The following CCDC30 variants were observed in gnomAD, a reference collection of about 807,000 sequenced individuals.
CCDC30 encodes the protein coiled-coil domain containing 30.
A neutral mutation model predicts 100.2 loss-of-function variants in CCDC30; 70 were observed. That is an observed-to-expected ratio of 0.70 (90% confidence interval 0.58 to 0.85). The LOEUF is 0.85. CCDC30 is among the 40% of genes least tolerant of loss of function. The pLI is 0.00. For missense variants in CCDC30, 652 were observed against 771.2 expected (o/e 0.85, Z 1.83); for synonymous variants, 233 against 269.5 (o/e 0.86, Z 1.33).
chr1:42,491,144 C>A lies in CCDC30; in HGVS notation c.241+915C>A, dbSNP rs1644134271. ...AGAATTATAAAATGAACACTGCTTT[C>A]TTAGTAATTAATAGTACAAGTAAAC... is the stretch of plus-strand genomic sequence containing the variant. On this transcript the variant is annotated intron_variant, in intron 4 of 16. Transcript: ENST00000668663. Among the ~76,000 whole-genome samples the A allele has an allele frequency of 2.0e-5, 3 of 152,100 alleles. No individual in the cohort carries two copies. In the South Asian group the frequency reaches 6.2e-4, roughly 31 times the overall value.
chr1:42,552,536 T>C (rs1303154724), intron 6 of CCDC30, among the ~76,000 whole-genome samples: 2 of 152,210 alleles, frequency 1.3e-5, no homozygotes, highest in African/African-American at 4.8e-5. Context: ...TTCATATATA[T>C]TAAATTTAAA....
At chr1:42,619,795 C>T (rs1162895783) in intron 11 of CCDC30, among the ~76,000 whole-genome samples, 1 of 152,202 alleles carries the variant, frequency 6.6e-6, no homozygotes, top group Non-Finnish European at 1.5e-5. Context: ...CAAATCCCCG[C>T]CCCCCATCCA....
chr1:42,538,052 G>A, intron 6 of CCDC30: 1 of 149,604 alleles, frequency 6.7e-6, no homozygotes, highest in African/African-American at 2.5e-5. Context: ...GGGCACAATG[G>A]CTCACATCTG....
At chr1:42,457,337 G>C in the CCDC30 span, 1 of 1,613,844 alleles carries the variant, frequency 6.2e-7, no homozygotes, top group South Asian at 1.1e-5. Flanking sequence ...CAGTCATCTG[G>C]GGGCCCACTG....
intron 6 of CCDC30, chr1:42,536,529 AGAG>A (rs1222616069): frequency 2.5e-6 from 2 of 793,710 alleles, no homozygotes; most frequent in Admixed American, 6.2e-5. Context: ...AGTGGTCAAA[AGAG>A]AGAGAGAGAG....
At chr1:42,485,089 A>G (rs1293712944) in intron 3 of CCDC30, among the ~76,000 whole-genome samples, 1 of 152,154 alleles carries the variant, frequency 6.6e-6, no homozygotes. Context: ...TTAGAGCTGT[A>G]TAGTGAAATA....
chr1:42,484,312 C>A lies in CCDC30; in HGVS notation c.169+1496C>A, dbSNP rs551123754. On this transcript the variant is annotated intron_variant, in intron 3 of 16. Coordinates refer to ENST00000668663, the Ensembl canonical transcript of CCDC30. Reference sequence around the variant, plus strand: ...TTAAAAGGGTGAATTTCACTGCATGCAATTTATTCCTCAGTAAACACTATC... The same window carrying A: ...TTAAAAGGGTGAATTTCACTGCATGAAATTTATTCCTCAGTAAACACTATC... Among the ~76,000 whole-genome samples the A allele has an allele frequency of 1.4e-4, 22 of 152,214 alleles. 1 individual carries two copies. The South Asian group carries it at 4.6e-3, about 32-fold the overall frequency.
chr1:42,636,664 C>G (rs1315821389), intron 11 of CCDC30, among the ~76,000 whole-genome samples: 1 of 151,878 alleles, frequency 6.6e-6, no homozygotes, highest in Non-Finnish European at 1.5e-5. Flanking sequence ...TATACCACAA[C>G]CATCAGTACA....
intron 12 of CCDC30, among the ~76,000 whole-genome samples, chr1:42,640,185 C>T (rs1361228494): frequency 6.6e-6 from 1 of 152,170 alleles, no homozygotes; most frequent in Non-Finnish European, 1.5e-5. Context: ...CTTTCTAAGT[C>T]TCCAAAAAGT....
intron 6 of CCDC30, among the ~76,000 whole-genome samples, chr1:42,557,053 C>T (rs1645385289): frequency 6.6e-6 from 1 of 152,152 alleles, no homozygotes; most frequent in Admixed American, 6.6e-5. Context: ...TACAGGTTCT[C>T]TCTTACACAA....
rs370992092 is a variant in CCDC30, at chr1:42,543,050, C to T, written c.457-23246C>T. 9.9e-5 allele frequency among the ~76,000 whole-genome samples: 15 copies of T among 152,132 alleles called. No homozygotes were observed. The East Asian group carries it at 2.3e-3, about 24-fold the overall frequency. ...AGCTCATTAATAAAATTGTCTTTTA[C>T]GTTCCTTTATAATCTGACCTCTCCC... is the stretch of plus-strand genomic sequence containing the variant. On this transcript the variant is annotated intron_variant, in intron 6 of 16. Transcript: ENST00000668663.
chr1:42,483,801 A>C (rs1166834236), intron 3 of CCDC30, among the ~76,000 whole-genome samples: 1 of 152,016 alleles, frequency 6.6e-6, no homozygotes, highest in Non-Finnish European at 1.5e-5. Flanking sequence ...TTTTACCATA[A>C]ATGCTAATAT....
intron 6 of CCDC30, among the ~76,000 whole-genome samples, chr1:42,546,997 TTGTAAATGTTCTA>T (rs1162043624): frequency 2.0e-4 from 30 of 152,206 alleles, no homozygotes; most frequent in Non-Finnish European, 2.9e-4. Context: ...AGTTATATCT[TTGTAAATGTTCTA>T]AAGATAGAAG....
chr1:42,512,084 G>C (rs1644487158), intron 6 of CCDC30, among the ~76,000 whole-genome samples: 1 of 152,206 alleles, frequency 6.6e-6, no homozygotes, highest in African/African-American at 2.4e-5. Flanking sequence ...ATAAAGGGAT[G>C]GGCTCTGGCT....
intron 6 of CCDC30, among the ~76,000 whole-genome samples, chr1:42,545,178 A>AT (rs1645101929): frequency 1.5e-5 from 2 of 133,594 alleles, no homozygotes; most frequent in Non-Finnish European, 3.3e-5. Flanking sequence ...AAAAAAAAAA[A>AT]AAAAAAAAAA....
intron 13 of CCDC30, among the ~76,000 whole-genome samples, chr1:42,643,296 C>T (rs1466549517): frequency 2.0e-5 from 3 of 152,204 alleles, no homozygotes; most frequent in African/African-American, 7.2e-5. Flanking sequence ...AGGGAACTCA[C>T]TCAGCCCAGT....
chr1:42,652,876 G>C (rs559727075), intron 15 of CCDC30, among the ~76,000 whole-genome samples: 1 of 152,248 alleles, frequency 6.6e-6, no homozygotes, highest in African/African-American at 2.4e-5. Flanking sequence ...AGGATTTGGG[G>C]GAGGAATAAA....
intron 11 of CCDC30, among the ~76,000 whole-genome samples, chr1:42,627,707 G>A (rs534533322): frequency 6.6e-6 from 1 of 152,356 alleles, no homozygotes; most frequent in African/African-American, 2.4e-5. Flanking sequence ...TGGCTTCAGA[G>A]GGTAGAAGCT....
At chr1:42,456,400 G>A in the CCDC30 span, 1 of 791,792 alleles carries the variant, frequency 1.3e-6, no homozygotes, top group Non-Finnish European at 1.9e-6. Context: ...GGGCTCTGGG[G>A]CAGAACAACT....
Sources: allele counts gnomAD v4.1 joint callset (sites outside exome capture counted in the v4.1 genomes callset), GRCh38; gene constraint gnomAD v4.1.1; transcripts MANE v1.5; gene names NCBI Gene and HGNC (gene_info 2026-07-23, HGNC 2026-07-21).